Variants in ASPHD1 observed in about 807,000 individuals in gnomAD.
ASPHD1 encodes the protein aspartate beta-hydroxylase domain-containing protein 1.
Under a neutral mutation model 28.3 loss-of-function variants are expected in ASPHD1, and 20 were observed. The ratio of observed to expected loss-of-function variants is 0.71; its 90% CI spans 0.50 to 1.03. The LOEUF (loss-of-function observed/expected upper bound fraction) is 1.03. ASPHD1 is among the 50% of genes least tolerant of loss of function. The pLI, the probability that ASPHD1 is intolerant of heterozygous loss-of-function variation, is 0.00. For missense variants in ASPHD1, 479 were observed against 524.1 expected (o/e 0.91, Z 0.84); for synonymous variants, 240 against 221.2 (o/e 1.08, Z -0.75).
chr16:29,912,667 C>G (rs745792671), intron 3 of ASPHD1, among the ~76,000 whole-genome samples: 1 of 152,176 alleles, frequency 6.6e-6, no homozygotes, highest in Non-Finnish European at 1.5e-5. Context: ...CATGAACTCC[C>G]GAACTCAGGT....
intron 2 of ASPHD1, 41 bp from the exon 3 acceptor site, chr16:29,905,747 T>C: frequency 6.9e-7 from 1 of 1,446,782 alleles, no homozygotes; most frequent in South Asian, 1.1e-5. Flanking sequence ...TGCAAGTACC[T>C]AATGTCAGTG....
chr16:29,911,400 A>G, intron 3 of ASPHD1: 1 of 568,280 alleles, frequency 1.8e-6, no homozygotes, highest in Non-Finnish European at 3.1e-6. Context: ...CCAGTGAGGG[A>G]CCGGGAGCCA....
At chr16:29,908,797 G>C (rs1045116938), downstream of ASPHD1, among the ~76,000 whole-genome samples, 8 of 151,758 alleles carry the variant, frequency 5.3e-5, no homozygotes, top group African/African-American at 1.9e-4. Flanking sequence ...CAACCTCCCG[G>C]GCTCAAGTGA....
chr16:29,911,472 C>A, intron 3 of ASPHD1: 1 of 561,988 alleles, frequency 1.8e-6, no homozygotes, highest in Non-Finnish European at 3.1e-6. Flanking sequence ...AGGCAAGTTA[C>A]TTCACCTCTT....
At position 29,901,767 on chromosome 16, in the gene ASPHD1, C is replaced by T. The variant is rs1214045708; in HGVS notation, c.796C>T (p.Arg266Cys). 1.3e-6 allele frequency: 2 copies of T among 1,550,954 alleles called. No individual in the cohort carries two copies. The highest frequency in any genetic ancestry group is 2.0e-5 in the Admixed American group (1 of 49,834). Residue 266 changes from arginine to cysteine, a missense_variant, in exon 1 of 3, where the codon CGC (arginine) becomes TGC (cysteine). Transcript: ENST00000308748. This position sits in a 1 kb window ranked among gnomAD's most constrained non-coding sequence, Gnocchi z 5.1. ...QAGRCQPSNC[R>C]RCPGAYRALR... ...AGGCCGGTGCCAACCCAGCAACTGC[C>T]GCCGGTGCCCGGGGGCCTATCGGGC...
At chr16:29,911,408 C>A in intron 3 of ASPHD1, 2 of 565,928 alleles carry the variant, frequency 3.5e-6, no homozygotes, top group South Asian at 2.3e-5. Context: ...GGACCGGGAG[C>A]CAGGCCACCT....
downstream of ASPHD1, among the ~76,000 whole-genome samples, chr16:29,907,971 T>C (rs937950792): frequency 3.1e-4 from 45 of 144,268 alleles, 1 homozygote; most frequent in African/African-American, 1.2e-3. Context: ...TAGCAAGACC[T>C]CATCTATTAA....
downstream of ASPHD1, among the ~76,000 whole-genome samples, chr16:29,909,170 C>A (rs1252131328): frequency 6.6e-6 from 1 of 152,188 alleles, no homozygotes; most frequent in Non-Finnish European, 1.5e-5. Flanking sequence ...TAACACCTCG[C>A]TGCTGATGCA....
downstream of ASPHD1, chr16:29,907,227 T>C: frequency 1.5e-6 from 1 of 672,842 alleles, no homozygotes; most frequent in Non-Finnish European, 2.5e-6. Context: ...TCCTTGGGCC[T>C]GGCCTGGCCT....
rs1567436678 is a variant in ASPHD1 at position 29,904,959 on chromosome 16, C to T, written c.1057C>T (p.His353Tyr). 6.2e-7 allele frequency: 1 copy of T among 1,612,036 alleles called. No individual in the cohort carries two copies. Among genetic ancestry groups the T allele is most frequent in the Non-Finnish European group, 8.5e-7 (1 of 1,178,914 alleles). ...CGACTCTTTTCTACACACAGTGGCTCACAATGGTAACGGGGTGCCCATTCT... is the reference window on the plus strand; with the variant it reads ...CGACTCTTTTCTACACACAGTGGCTTACAATGGTAACGGGGTGCCCATTCT... ...VDDSFLHTVA[H>Y]NGSPEDGPRV... Residue 353 changes from histidine to tyrosine, a missense_variant, in exon 2 of 3, where the codon CAC becomes TAC. Coordinates refer to ENST00000308748, the MANE Select transcript of ASPHD1 (RefSeq NM_181718.4).
chr16:29,910,313 G>T (rs150830521), downstream of ASPHD1, among the ~76,000 whole-genome samples: 244 of 152,062 alleles, frequency 1.6e-3, 2 homozygotes, highest in African/African-American at 5.7e-3. Flanking sequence ...CAGAAGAATC[G>T]CTTGAACCTG....
downstream of ASPHD1, chr16:29,906,082 G>A (rs1193075946): frequency 4.1e-6 from 2 of 491,674 alleles, no homozygotes; most frequent in Non-Finnish European, 7.2e-6. Context: ...TTCGCAGGGA[G>A]AGGCTGGGGC....
At chr16:29,918,957 A>G (rs1480141899) in intron 3 of ASPHD1, among the ~76,000 whole-genome samples, 1 of 151,440 alleles carries the variant, frequency 6.6e-6, no homozygotes, top group Non-Finnish European at 1.5e-5. Flanking sequence ...CGCACCTGGC[A>G]TAATTTTTGT....
At chr16:29,902,152 C>T (rs1195491657) in intron 1 of ASPHD1, among the ~76,000 whole-genome samples, 4 of 152,192 alleles carry the variant, frequency 2.6e-5, no homozygotes, top group African/African-American at 7.2e-5. Context: ...TTGGCTCTCC[C>T]CCCGACCTTT....
chr16:29,913,525 T>G (rs1447780797), intron 3 of ASPHD1: 1 of 152,244 alleles, frequency 6.6e-6, no homozygotes, highest in Admixed American at 6.5e-5. Flanking sequence ...ACAATATTTA[T>G]TACTTCTGTT....
rs1484506295 is a variant in ASPHD1, at chr16:29,901,838, T to C, written c.867T>C (p.Asn289=). 2 of 1,548,994 alleles carry C rather than the reference T, an allele frequency of 1.3e-6. No homozygotes were observed. The highest frequency in any genetic ancestry group is 4.0e-5 in the Admixed American group (2 of 49,526). Residue 289 remains asparagine (N), a synonymous_variant, in exon 1 of 3, where the codon AAT becomes AAC. Coordinates refer to ENST00000308748, the MANE Select transcript of ASPHD1 (RefSeq NM_181718.4). The surrounding 1 kb of genome is among the most constrained non-coding windows in gnomAD (Gnocchi z 5.1). ...RSFMSANTFG[N]AGFSVLLPGA... ...TTATGAGTGCCAACACCTTCGGCAATGCCGGCTTTTCCGTTCTCCTGCCTG... is the reference window on the plus strand; with the variant it reads ...TTATGAGTGCCAACACCTTCGGCAACGCCGGCTTTTCCGTTCTCCTGCCTG...
downstream of ASPHD1, among the ~76,000 whole-genome samples, chr16:29,908,364 GTTTT>G (rs1009433465): frequency 2.0e-5 from 3 of 152,004 alleles, no homozygotes; most frequent in African/African-American, 4.8e-5. Context: ...TTAGCAAACT[GTTTT>G]TTTAATTTTT....
chr16:29,903,663 A>T (rs1370321300), intron 1 of ASPHD1, among the ~76,000 whole-genome samples: 9 of 151,918 alleles, frequency 5.9e-5, no homozygotes, highest in Non-Finnish European at 1.3e-4. Flanking sequence ...TCTGTGCTCT[A>T]AATCATGAAA....
downstream of ASPHD1, chr16:29,911,011 G>A: frequency 6.2e-7 from 1 of 1,614,130 alleles, no homozygotes; most frequent in Non-Finnish European, 8.5e-7. Flanking sequence ...CATAGACAAT[G>A]GAGGTGCAGC....
Sources: gnomAD v4.1 joint callset for allele counts (sites outside exome capture counted in the v4.1 genomes callset) on GRCh38, gnomAD v4.1.1 for gene constraint, Gnocchi (gnomAD v3.1) non-coding constraint, MANE v1.5 for transcripts, NCBI Gene and HGNC (gene_info 2026-07-23, HGNC 2026-07-21) for gene names.